Variants in DNAJC6 observed in about 807,000 individuals in gnomAD.
DNAJC6 encodes auxilin.
Under a neutral mutation model 110.0 loss-of-function variants are expected in DNAJC6, and 34 were observed. That is an observed-to-expected ratio of 0.31 (90% CI 0.24 to 0.41). The LOEUF is 0.41. DNAJC6 is among the 10% of genes least tolerant of loss of function. The probability of loss-of-function intolerance (pLI) is 1.00; values close to 1 mark genes in which losing one functional copy is unlikely to be tolerated. For synonymous variants in DNAJC6, 406 were observed against 437.2 expected (o/e 0.93, Z 0.89); for missense variants, 1,031 against 1,207.8 (o/e 0.85, Z 2.17).
chr1:65,303,627 C>T (rs1355946850), intron 1 of DNAJC6, among the ~76,000 whole-genome samples: 4 of 151,818 alleles, frequency 2.6e-5, no homozygotes, highest in South Asian at 2.1e-4. Context: ...GGCATGATCT[C>T]GGCTCACTGC....
Position 65,392,515 on chromosome 1 carries a change from T to C in DNAJC6, c.1553T>C (p.Leu518Pro). 6.2e-7 allele frequency: 1 copy of C among 1,614,056 alleles called. No homozygotes were observed. The highest frequency in any genetic ancestry group is 1.3e-5 in the African/African-American group (1 of 75,034). Residue 518 changes from leucine (L) to proline (P), a missense_variant, in exon 12 of 19, where the codon CTG becomes CCG. Physicochemically the swap from Leu to Pro is moderately conservative, Grantham distance 98. Transcript: ENST00000371069. Reference sequence around the variant, plus strand: ...AGTGAGCAATCAGATGATGAACTTCTGACACTTTCCAGTCCGCATGGCAAT... The same window carrying C: ...AGTGAGCAATCAGATGATGAACTTCCGACACTTTCCAGTCCGCATGGCAAT... ...QESEQSDDEL[L>P]TLSSPHGNAN...
intron 5 of DNAJC6, among the ~76,000 whole-genome samples, chr1:65,381,204 C>T (rs962311369): frequency 1.3e-5 from 2 of 151,654 alleles, no homozygotes; most frequent in Admixed American, 6.6e-5. Flanking sequence ...GGCGTGACCC[C>T]ACCAGGCCTC....
At chr1:65,291,505 A>G (rs901097199) in intron 1 of DNAJC6, among the ~76,000 whole-genome samples, 6 of 152,216 alleles carry the variant, frequency 3.9e-5, no homozygotes, top group Admixed American at 2.6e-4. Context: ...AGAAGGACCT[A>G]ATTAAATGGA....
intron 1 of DNAJC6, among the ~76,000 whole-genome samples, chr1:65,328,143 A>C (rs1281120256): frequency 2.0e-5 from 3 of 152,256 alleles, no homozygotes; most frequent in African/African-American, 7.2e-5. Context: ...TTACATAGGA[A>C]AATTATTGTA....
chr1:65,332,794 G>A (rs1645300362), intron 1 of DNAJC6, among the ~76,000 whole-genome samples: 1 of 152,124 alleles, frequency 6.6e-6, no homozygotes, highest in Non-Finnish European at 1.5e-5. Flanking sequence ...TACCAGTGCT[G>A]TTTTTGATAT....
intron 1 of DNAJC6, among the ~76,000 whole-genome samples, chr1:65,334,012 A>G (rs1033958101): frequency 1.3e-5 from 2 of 152,248 alleles, no homozygotes; most frequent in Non-Finnish European, 2.9e-5. Flanking sequence ...TACTGAAGAT[A>G]CATTTTGACT....
intron 1 of DNAJC6, among the ~76,000 whole-genome samples, chr1:65,274,626 C>A (rs1653605327): frequency 6.6e-6 from 1 of 151,712 alleles, no homozygotes; most frequent in Non-Finnish European, 1.5e-5. Flanking sequence ...CTATACTTTA[C>A]TTTTTTCTAT....
At chr1:65,370,791 C>T (rs1645698010) in intron 4 of DNAJC6, among the ~76,000 whole-genome samples, 1 of 152,184 alleles carries the variant, frequency 6.6e-6, no homozygotes, top group African/African-American at 2.4e-5. Context: ...AATGTATTAT[C>T]AACTTGGGTG....
chr1:65,368,689 C>CTCCTCCTCTTCA (rs1645674321), intron 4 of DNAJC6, among the ~76,000 whole-genome samples: 1 of 140,738 alleles, frequency 7.1e-6, no homozygotes, highest in African/African-American at 2.8e-5. Flanking sequence ...TCCTCCCTTC[C>CTCCTCCTCTTCA]TCCTCCTCTT....
intron 5 of DNAJC6, chr1:65,379,786 G>A (rs1645800872): frequency 6.8e-6 from 2 of 295,982 alleles, no homozygotes; most frequent in South Asian, 9.2e-5. Context: ...TTATAAAGGA[G>A]GTAGAAACAG....
At chr1:65,312,489 G>T (rs1017754846) in intron 1 of DNAJC6, among the ~76,000 whole-genome samples, 9 of 152,110 alleles carry the variant, frequency 5.9e-5, no homozygotes, top group African/African-American at 2.2e-4. Context: ...TTTCTAAAGT[G>T]GCAGTAATCT....
At chr1:65,270,531 C>G (rs1653469429) in intron 1 of DNAJC6, among the ~76,000 whole-genome samples, 3 of 152,044 alleles carry the variant, frequency 2.0e-5, no homozygotes, top group Admixed American at 1.3e-4. Flanking sequence ...GAGCAGTCTG[C>G]AACAATGAGA....
At chr1:65,392,129 G>C (rs1029717930) in intron 11 of DNAJC6, among the ~76,000 whole-genome samples, 3 of 152,162 alleles carry the variant, frequency 2.0e-5, no homozygotes, top group African/African-American at 7.2e-5. Context: ...AAGGCACAGA[G>C]AAGTAAAGTA....
At chr1:65,282,163 A>G (rs1653874685) in intron 1 of DNAJC6, among the ~76,000 whole-genome samples, 1 of 152,084 alleles carries the variant, frequency 6.6e-6, no homozygotes, top group Admixed American at 6.5e-5. Context: ...GGCTCAAGTG[A>G]TCCTCCTTTG....
Position 65,405,938 on chromosome 1 carries a change from T to C in DNAJC6, c.2296T>C (p.Ser766Pro). 1 of 1,614,122 alleles carries C rather than the reference T, an allele frequency of 6.2e-7. No individual in the cohort carries two copies. The highest frequency in any genetic ancestry group is 1.1e-5 in the South Asian group (1 of 91,080). ...GLGGGFPPLS[S>P]PQKASPQPMG... is the part of the protein sequence containing the mutation. ...GGGTGGAGGATTCCCGCCTCTCAGC[T>C]CGCCACAGAAGGCGTCTCCCCAGCC... Residue 766 changes from serine to proline, a missense_variant, in exon 16 of 19, where the codon TCG becomes CCG. By Grantham distance (74) the Ser-to-Pro change is moderately conservative. Transcript: ENST00000371069.
At chr1:65,402,652 T>C (rs374000265) in intron 15 of DNAJC6, among the ~76,000 whole-genome samples, 1 of 152,182 alleles carries the variant, frequency 6.6e-6, no homozygotes, top group South Asian at 2.1e-4. Flanking sequence ...GACACAAAGG[T>C]TTATCTTGGC....
At chr1:65,384,125 T>C in intron 5 of DNAJC6, 68 bp from the exon 6 acceptor site, 2 of 1,338,358 alleles carry the variant, frequency 1.5e-6, no homozygotes, top group Non-Finnish European at 1.9e-6. Context: ...TTGCAAATTC[T>C]GCCATTTTCA....
chr1:65,296,087 A>G (rs915601403), intron 1 of DNAJC6, among the ~76,000 whole-genome samples: 11 of 152,196 alleles, frequency 7.2e-5, no homozygotes, highest in African/African-American at 2.7e-4. Context: ...TTTTTCACCA[A>G]CACATGGTTC....
intron 1 of DNAJC6, among the ~76,000 whole-genome samples, chr1:65,296,164 T>C (rs184861449): frequency 3.0e-4 from 46 of 152,356 alleles, no homozygotes; most frequent in Non-Finnish European, 2.4e-4. Flanking sequence ...TACTCTGTTA[T>C]TCATAAATAA....
Sources: allele counts gnomAD v4.1 joint callset (sites outside exome capture counted in the v4.1 genomes callset), GRCh38; gene constraint gnomAD v4.1.1; transcripts MANE v1.5; gene names NCBI Gene and HGNC (gene_info 2026-07-23, HGNC 2026-07-21).